The following ADAM29 variants were observed in gnomAD, a reference collection of about 807,000 sequenced individuals.
ADAM29 encodes the protein disintegrin and metalloproteinase domain-containing protein 29.
For synonymous variants in ADAM29, 367 were observed against 342.3 expected (o/e 1.07, Z -0.80); for missense variants, 969 against 1,001.8 (o/e 0.97, Z 0.44).
rs1051590456 is a variant in ADAM29 at position 174,978,161 on chromosome 4, T to A, written c.*173T>A. On this transcript the variant is annotated 3_prime_UTR_variant, in exon 5 of 5. Transcript: ENST00000359240. ...AAAACTGTATCCAGAAAAGGTACAT[T>A]AAAAAAATAATTCCTAGTATGTTTC... is the stretch of plus-strand genomic sequence containing the variant. 4 of 1,044,210 alleles carry A rather than the reference T, an allele frequency of 3.8e-6. No homozygotes were observed. The African/African-American group carries it at 6.4e-5, about 17-fold the overall frequency. The allele number at this position is 1,044,210 out of a possible 1,614,324, so 64.7% of individuals were successfully genotyped here. A position where few individuals can be genotyped will look rare whatever the true frequency, so the allele number is the denominator to read the frequency against.
rs569359688 is a variant in ADAM29, at chr4:174,945,436, C to T, written c.-181+8423C>T. Reference sequence around the variant, plus strand: ...TAGTTTGCAAATATTTTCTCCCCTTCTGTAGGTTGTCTTAAAAATTTACTT... The same window carrying T: ...TAGTTTGCAAATATTTTCTCCCCTTTTGTAGGTTGTCTTAAAAATTTACTT... On this transcript the variant is annotated intron_variant, in intron 4 of 4. Transcript: ENST00000359240. Among the ~76,000 whole-genome samples the T allele has an allele frequency of 4.1e-3, 617 of 152,228 alleles. 2 individuals are homozygous for T. The highest frequency in any genetic ancestry group is 0.02 in the Middle Eastern group (6 of 294).
chr4:174,923,345 G>A (rs1290170823), intron 2 of ADAM29, among the ~76,000 whole-genome samples: 3 of 151,588 alleles, frequency 2.0e-5, no homozygotes, highest in Non-Finnish European at 4.4e-5. Flanking sequence ...ATGAGCCACC[G>A]TGCTTGGCCT....
chr4:174,933,846 A>G (rs1231897903), intron 3 of ADAM29, among the ~76,000 whole-genome samples: 3 of 152,162 alleles, frequency 2.0e-5, no homozygotes, highest in Non-Finnish European at 4.4e-5. Flanking sequence ...CATGGTGCAC[A>G]TGTACCTCAT....
intron 4 of ADAM29, among the ~76,000 whole-genome samples, chr4:174,964,112 G>A (rs1441850713): frequency 6.6e-6 from 1 of 151,888 alleles, no homozygotes; most frequent in Non-Finnish European, 1.5e-5. Flanking sequence ...ATTATGTATG[G>A]TTTGAAGGCC....
intron 4 of ADAM29, among the ~76,000 whole-genome samples, chr4:174,941,427 T>C (rs1055087776): frequency 6.6e-6 from 1 of 152,204 alleles, no homozygotes; most frequent in African/African-American, 2.4e-5. Context: ...TGAGACTGGC[T>C]AATTTATAAA....
intron 4 of ADAM29, among the ~76,000 whole-genome samples, chr4:174,941,426 C>A (rs1744529957): frequency 6.6e-6 from 1 of 152,104 alleles, no homozygotes; most frequent in Non-Finnish European, 1.5e-5. Flanking sequence ...GTGAGACTGG[C>A]TAATTTATAA....
At chr4:174,971,378 T>C (rs1746471111) in intron 4 of ADAM29, among the ~76,000 whole-genome samples, 1 of 152,180 alleles carries the variant, frequency 6.6e-6, no homozygotes, top group Non-Finnish European at 1.5e-5. Context: ...CCTTTTAGCA[T>C]TTTTTCTAAG....
At chr4:174,939,098 ATCTGCAAAGAGTCTT>A (rs981132821) in intron 4 of ADAM29, among the ~76,000 whole-genome samples, 12 of 149,732 alleles carry the variant, frequency 8.0e-5, no homozygotes, top group South Asian at 4.1e-4. Context: ...TAACTTACTT[ATCTGCAAAGAGTCTT>A]TCTGCAAAGA....
At chr4:174,967,879 A>G (rs1746240894) in intron 4 of ADAM29, among the ~76,000 whole-genome samples, 1 of 152,226 alleles carries the variant, frequency 6.6e-6, no homozygotes, top group Admixed American at 6.5e-5. Context: ...TCTCCAATAC[A>G]GACACCCACT....
chr4:174,947,169 A>G (rs1744901573), intron 4 of ADAM29, among the ~76,000 whole-genome samples: 1 of 151,276 alleles, frequency 6.6e-6, no homozygotes, highest in South Asian at 2.1e-4. Context: ...CAGTCTATTA[A>G]TCATATTTAT....
intron 4 of ADAM29, among the ~76,000 whole-genome samples, chr4:174,973,446 T>A (rs1236776578): frequency 6.6e-6 from 1 of 152,292 alleles, no homozygotes; most frequent in East Asian, 1.9e-4. Context: ...GTCATTCAAT[T>A]AGCTTCAGAA....
intron 4 of ADAM29, among the ~76,000 whole-genome samples, chr4:174,967,419 A>G (rs190100334): frequency 2.0e-5 from 3 of 152,204 alleles, no homozygotes; most frequent in African/African-American, 7.2e-5. Context: ...CTTCATTTAT[A>G]TCCTGTCTAC....
intron 4 of ADAM29, among the ~76,000 whole-genome samples, chr4:174,965,105 A>G (rs140997692): frequency 6.5e-4 from 99 of 152,266 alleles, no homozygotes; most frequent in African/African-American, 2.3e-3. Context: ...ATAACAGAAT[A>G]CTTGAGGCTG....
Position 174,975,595 on chromosome 4 carries a change from C to T in ADAM29, c.70C>T (p.His24Tyr). 3.8e-6 allele frequency: 6 copies of T among 1,597,180 alleles called. No individual in the cohort carries two copies. In the South Asian group the frequency reaches 5.7e-5, roughly 15 times the overall value. ...CTGTTCTGGACACATCCAGGATGAG[C>T]ACCCCCAATATCACAGCCCTCCGGA... is the stretch of plus-strand genomic sequence containing the variant. ...LSCSGHIQDE[H>Y]PQYHSPPDVV... Residue 24 changes from histidine to tyrosine, a missense_variant, in exon 5 of 5, where the codon CAC becomes TAC. Transcript: ENST00000359240.
chr4:174,977,433 C>A lies in ADAM29; in HGVS notation c.1908C>A (p.Cys636Ter), dbSNP rs772956000. 16 of 1,613,608 alleles carry A rather than the reference C, an allele frequency of 9.9e-6. No individual in the cohort carries two copies. Among genetic ancestry groups the A allele is most frequent in the African/African-American group, 1.3e-5 (1 of 74,896 alleles). Residue 636 changes from cysteine to a stop codon, truncating the protein, a stop_gained, in exon 5 of 5, where the codon TGC (cysteine) becomes TGA (stop). Coordinates refer to ENST00000359240, the MANE Select transcript of ADAM29 (RefSeq NM_014269.4). LOFTEE classifies it low-confidence loss of function (END_TRUNC). Reference protein sequence around the residue: ...SPAFCNKRGICNNKHHCHCNY... With the variant: ...SPAFCNKRGI ...CATTTTGTAACAAGAGGGGCATCTGCAACAATAAACATCACTGCCATTGCA... is the reference window on the plus strand; with the variant it reads ...CATTTTGTAACAAGAGGGGCATCTGAAACAATAAACATCACTGCCATTGCA...
At chr4:174,969,353 G>A (rs1746338509) in intron 4 of ADAM29, among the ~76,000 whole-genome samples, 1 of 151,228 alleles carries the variant, frequency 6.6e-6, no homozygotes, top group Non-Finnish European at 1.5e-5. Flanking sequence ...CTTCTACATA[G>A]GATGTCAGAA....
At chr4:174,942,862 C>T (rs1744619576) in intron 4 of ADAM29, among the ~76,000 whole-genome samples, 1 of 152,204 alleles carries the variant, frequency 6.6e-6, no homozygotes, top group Non-Finnish European at 1.5e-5. Context: ...AACTTTTACA[C>T]TCTGCTTCCC....
rs763364193 is a variant in ADAM29 at position 174,976,900 on chromosome 4, G to T, written c.1375G>T (p.Val459Phe). The T allele has an allele frequency of 2.5e-6, 4 of 1,614,036 alleles. No homozygotes were observed. Among genetic ancestry groups the T allele is most frequent in the Non-Finnish European group, 3.4e-6 (4 of 1,180,042 alleles). Reference sequence around the variant, plus strand: ...ATCAGGGAAAGTGTGTAGAAAGGAGGTCAATGAATGTGATCTTCCAGAGTG... The same window carrying T: ...ATCAGGGAAAGTGTGTAGAAAGGAGTTCAATGAATGTGATCTTCCAGAGTG... ...LPSGKVCRKE[V>F]NECDLPEWCN... The change falls in exon 5 of 5, where the codon GTC (valine) becomes TTC (phenylalanine). Residue 459 changes from valine to phenylalanine, a missense_variant. By Grantham distance (50) the Val-to-Phe change is conservative. Coordinates refer to ENST00000359240, the MANE Select transcript of ADAM29 (RefSeq NM_014269.4).
At chr4:174,975,259 TTC>T (rs377672537) in intron 4 of ADAM29, 85 bp from the exon 5 acceptor site, 137 of 335,374 alleles carry the variant, frequency 4.1e-4, no homozygotes, top group African/African-American at 2.6e-3. Context: ...TCATGTTTTT[TTC>T]TCTTTCTCCT....
Sources: gnomAD v4.1 joint callset for allele counts (sites outside exome capture counted in the v4.1 genomes callset) on GRCh38, gnomAD v4.1.1 for gene constraint, MANE v1.5 for transcripts, NCBI Gene and HGNC (gene_info 2026-07-23, HGNC 2026-07-21) for gene names.